Variants in SORCS2 observed in about 807,000 individuals in gnomAD.
The protein encoded by SORCS2 is VPS10 domain-containing receptor SorCS2.
SORCS2 carries 100 observed loss-of-function variants against 141.6 expected under a neutral mutation model. The ratio of observed to expected loss-of-function variants is 0.71; its 90% CI spans 0.60 to 0.83. The LOEUF is 0.83. Among genes scored for constraint, SORCS2 ranks in the 40% least tolerant of loss-of-function variants. The probability of loss-of-function intolerance (pLI) is 0.00; values close to 1 mark genes in which losing one functional copy is unlikely to be tolerated. For synonymous variants in SORCS2, 789 were observed against 676.9 expected (o/e 1.17, Z -2.57); for missense variants, 1,646 against 1,560.2 (o/e 1.05, Z -0.93).
In SORCS2 at chr4:7,442,811, AGT is replaced by A. The variant is rs199862409; in HGVS notation, c.548+46459_548+46460del. Among the ~76,000 whole-genome samples, 1,157 of 151,846 alleles carry A rather than the reference AGT, an allele frequency of 7.6e-3. 15 individuals are homozygous for A. The highest frequency in any genetic ancestry group is 0.027 in the African/African-American group (1,104 of 41,382). On this transcript the variant is annotated intron_variant, in intron 2 of 26. Coordinates refer to ENST00000507866, the MANE Select transcript of SORCS2 (RefSeq NM_020777.3). The stretch of plus-strand genomic sequence containing the variant: ...TGGAGGTTCCTCAGGCTGACAAAAC[AGT>A]GTACCACAGACGGGGTGGCCGAAAA...
At chr4:7,677,800 C>A (rs1341192981) in intron 9 of SORCS2, among the ~76,000 whole-genome samples, 2 of 152,348 alleles carry the variant, frequency 1.3e-5, no homozygotes, top group East Asian at 3.9e-4. Context: ...GATGCAGCCT[C>A]ACTGCCAAAA....
At chr4:7,593,360 C>G (rs887305612) in intron 3 of SORCS2, among the ~76,000 whole-genome samples, 5 of 152,158 alleles carry the variant, frequency 3.3e-5, no homozygotes, top group Non-Finnish European at 7.4e-5. Context: ...TCACCTGCAG[C>G]AGAGCAGGTG....
At chr4:7,363,098 C>T (rs556484986) in intron 1 of SORCS2, among the ~76,000 whole-genome samples, 6 of 149,790 alleles carry the variant, frequency 4.0e-5, no homozygotes, top group African/African-American at 1.2e-4. Flanking sequence ...TCACCATCAC[C>T]ACTACCATCA....
At chr4:7,610,285 A>G (rs1158946191) in intron 3 of SORCS2, among the ~76,000 whole-genome samples, 1 of 152,160 alleles carries the variant, frequency 6.6e-6, no homozygotes, top group Non-Finnish European at 1.5e-5. Context: ...CACACGTGAG[A>G]TGCTGGTGTC....
At chr4:7,675,507 G>A (rs1285452052) in intron 8 of SORCS2, among the ~76,000 whole-genome samples, 1 of 152,236 alleles carries the variant, frequency 6.6e-6, no homozygotes, top group Non-Finnish European at 1.5e-5. Context: ...AGGTCGCAGA[G>A]GACAGGGCCA....
intron 2 of SORCS2, among the ~76,000 whole-genome samples, chr4:7,519,516 C>T (rs1577688033): frequency 6.6e-6 from 1 of 152,242 alleles, no homozygotes; most frequent in African/African-American, 2.4e-5. Context: ...ATTAAAGAAG[C>T]AACCCAGCCA....
intron 21 of SORCS2, among the ~76,000 whole-genome samples, chr4:7,727,971 G>A (rs1038563299): frequency 1.3e-5 from 2 of 152,202 alleles, no homozygotes; most frequent in Non-Finnish European, 2.9e-5. Context: ...CATAGGGTGT[G>A]TTCATGCTTG....
At chr4:7,319,855 C>T (rs1440856524) in intron 1 of SORCS2, among the ~76,000 whole-genome samples, 1 of 152,262 alleles carries the variant, frequency 6.6e-6, no homozygotes, top group Non-Finnish European at 1.5e-5. Flanking sequence ...CCCACCTTGG[C>T]CGGGGCCTGT....
intron 2 of SORCS2, among the ~76,000 whole-genome samples, chr4:7,525,648 C>T (rs963227968): frequency 1.3e-5 from 2 of 152,138 alleles, no homozygotes; most frequent in East Asian, 3.9e-4. Context: ...CTTCCTCTCA[C>T]TCCTCCACCT....
At chr4:7,562,799 C>A (rs188334227) in intron 3 of SORCS2, among the ~76,000 whole-genome samples, 2 of 152,158 alleles carry the variant, frequency 1.3e-5, no homozygotes, top group East Asian at 3.9e-4. Context: ...TTCTTCTTGG[C>A]CACCCCACTC....
intron 3 of SORCS2, among the ~76,000 whole-genome samples, chr4:7,567,093 A>T (rs757995008): frequency 6.6e-6 from 1 of 152,240 alleles, no homozygotes; most frequent in African/African-American, 2.4e-5. Context: ...AGTGCATTTT[A>T]AAATAGTTTA....
chr4:7,585,194 G>A (rs1316828450), intron 3 of SORCS2, among the ~76,000 whole-genome samples: 1 of 152,214 alleles, frequency 6.6e-6, no homozygotes, highest in Non-Finnish European at 1.5e-5. Flanking sequence ...GGGCAGGATG[G>A]TCGGGGAAGC....
intron 2 of SORCS2, among the ~76,000 whole-genome samples, chr4:7,413,730 T>G (rs1333009247): frequency 6.6e-6 from 1 of 152,214 alleles, no homozygotes; most frequent in Non-Finnish European, 1.5e-5. Flanking sequence ...TAGTTTCACA[T>G]GAAGGAGGTG....
intron 1 of SORCS2, among the ~76,000 whole-genome samples, chr4:7,366,466 C>T (rs1361178449): frequency 1.5e-4 from 2 of 13,640 alleles, no homozygotes; most frequent in Non-Finnish European, 5.2e-4. Context: ...CCCCCTTTAG[C>T]GTGCCCCTCC....
At chr4:7,570,605 A>G (rs1183625176) in intron 3 of SORCS2, among the ~76,000 whole-genome samples, 1 of 152,214 alleles carries the variant, frequency 6.6e-6, no homozygotes, top group Non-Finnish European at 1.5e-5. Flanking sequence ...GCCCATGGAA[A>G]TGGGAGGTGG....
intron 1 of SORCS2, among the ~76,000 whole-genome samples, chr4:7,314,813 T>G (rs1344191498): frequency 2.0e-4 from 16 of 78,546 alleles, no homozygotes; most frequent in South Asian, 4.3e-4. Context: ...TTTTTTTTTT[T>G]TTTTTTTTTT....
chr4:7,293,149 A>G (rs1716727238), intron 1 of SORCS2, among the ~76,000 whole-genome samples: 1 of 151,656 alleles, frequency 6.6e-6, no homozygotes, highest in Admixed American at 6.6e-5. Flanking sequence ...CTAAAAATAC[A>G]AAAAATTAGC....
intron 3 of SORCS2, among the ~76,000 whole-genome samples, chr4:7,586,063 G>A (rs1716514464): frequency 6.6e-6 from 1 of 152,206 alleles, no homozygotes. Flanking sequence ...ATGCTGAGCT[G>A]CCTCACTCTA....
At chr4:7,290,565 G>C (rs571068480) in intron 1 of SORCS2, among the ~76,000 whole-genome samples, 11 of 152,306 alleles carry the variant, frequency 7.2e-5, no homozygotes, top group Admixed American at 2.0e-4. Context: ...TTGAGGCCTA[G>C]AAAGGAAAAG....
Sources: gnomAD v4.1 joint callset for allele counts (sites outside exome capture counted in the v4.1 genomes callset) on GRCh38, gnomAD v4.1.1 for gene constraint, MANE v1.5 for transcripts, NCBI Gene and HGNC (gene_info 2026-07-23, HGNC 2026-07-21) for gene names.